The following TM9SF3 variants were observed in gnomAD, a reference collection of about 807,000 sequenced individuals.
The protein encoded by TM9SF3 is SM-11044-binding protein.
In TM9SF3, 14 loss-of-function variants were observed where a neutral mutation model predicts 78.6. That is an observed-to-expected ratio of 0.18 (90% CI 0.12 to 0.28). TM9SF3 has a LOEUF of 0.28. TM9SF3 is among the 10% of genes least tolerant of loss of function. The pLI is 1.00. For missense variants in TM9SF3, 496 were observed against 721.9 expected (o/e 0.69, Z 3.59); for synonymous variants, 231 against 241.7 (o/e 0.96, Z 0.41).
At chr10:96,552,202 A>G (rs1282486413) in intron 6 of TM9SF3, among the ~76,000 whole-genome samples, 1 of 152,168 alleles carries the variant, frequency 6.6e-6, no homozygotes, top group Admixed American at 6.5e-5. Context: ...CTATAATAAC[A>G]GCACTTTGGG....
At chr10:96,579,521 T>C (rs1848536294) in intron 1 of TM9SF3, among the ~76,000 whole-genome samples, 2 of 152,228 alleles carry the variant, frequency 1.3e-5, no homozygotes, top group Admixed American at 1.3e-4. Flanking sequence ...TCCCAGTCGA[T>C]GTTAAACCAC....
At chr10:96,543,217 G>A (rs1848054785) in intron 9 of TM9SF3, among the ~76,000 whole-genome samples, 1 of 152,108 alleles carries the variant, frequency 6.6e-6, no homozygotes, top group Non-Finnish European at 1.5e-5. Context: ...CTCATTTTAT[G>A]TGTTCTAGTT....
chr10:96,551,686 A>G (rs1848171990), intron 6 of TM9SF3, among the ~76,000 whole-genome samples: 1 of 152,194 alleles, frequency 6.6e-6, no homozygotes, highest in Non-Finnish European at 1.5e-5. Flanking sequence ...AAATGGTCAA[A>G]TTGGGAGAAC....
Position 96,578,429 on chromosome 10 carries a change from A to T in TM9SF3, c.103-1600T>A, listed in dbSNP as rs79248810. 6.6e-4 allele frequency among the ~76,000 whole-genome samples: 101 copies of T among 152,352 alleles called. 1 individual carries two copies. The East Asian group carries it at 0.012, about 17-fold the overall frequency. On this transcript the variant is annotated intron_variant, in intron 1 of 14. Coordinates refer to ENST00000371142, the MANE Select transcript of TM9SF3 (RefSeq NM_020123.4). The stretch of plus-strand genomic sequence containing the variant: ...AGGGCTATTGTAGCAACAATAAAGG[A>T]ATGATTAAATTCACTTTGGCAGAGA...
In TM9SF3 at chr10:96,586,527, T is replaced by TCGGGAGCGGAGCCCTGTCC. The variant is rs545155800; in HGVS notation, c.102+188_102+206dup. Among the ~76,000 whole-genome samples, 235 of 151,714 alleles carry TCGGGAGCGGAGCCCTGTCC rather than the reference T, an allele frequency of 1.5e-3. 4 individuals carry two copies. The East Asian group carries it at 0.027, about 18-fold the overall frequency. ...GACCGGGGGAAGGAGACCCTGTCACTCGGGAGCGGAGCCCTGTCCCGGGAG... is the reference window on the plus strand; with the variant it reads ...GACCGGGGGAAGGAGACCCTGTCACTCGGGAGCGGAGCCCTGTCCCGGGAGCGGAGCCCTGTCCCGGGAG... On this transcript the variant is annotated intron_variant, in intron 1 of 14. Coordinates refer to ENST00000371142, the MANE Select transcript of TM9SF3 (RefSeq NM_020123.4).
At chr10:96,560,631 G>T (rs1237249932) in intron 4 of TM9SF3, 2 of 644,628 alleles carry the variant, frequency 3.1e-6, no homozygotes, top group Non-Finnish European at 5.9e-6. Flanking sequence ...TGGTAGCAAG[G>T]TTCCACAGAA....
At chr10:96,528,983 G>A (rs1847867522) in intron 11 of TM9SF3, among the ~76,000 whole-genome samples, 1 of 152,058 alleles carries the variant, frequency 6.6e-6, no homozygotes, top group Admixed American at 6.6e-5. Context: ...GTTTGAAGGT[G>A]GACAAAACAG....
chr10:96,580,072 G>A (rs1037618450), intron 1 of TM9SF3, among the ~76,000 whole-genome samples: 3 of 152,284 alleles, frequency 2.0e-5, no homozygotes, highest in East Asian at 3.9e-4. Flanking sequence ...GGATCCCTAA[G>A]CACGATAATA....
intron 9 of TM9SF3, among the ~76,000 whole-genome samples, chr10:96,538,972 A>C (rs1259266971): frequency 1.3e-5 from 2 of 152,240 alleles, no homozygotes; most frequent in Non-Finnish European, 2.9e-5. Context: ...TTGAAAACTT[A>C]AACTACCATA....
At chr10:96,583,253 G>A (rs1291971477) in intron 1 of TM9SF3, among the ~76,000 whole-genome samples, 1 of 152,050 alleles carries the variant, frequency 6.6e-6, no homozygotes, top group East Asian at 1.9e-4. Flanking sequence ...TAATTTGTGC[G>A]ACCCAGTACA....
chr10:96,529,433 T>C (rs932647568), intron 11 of TM9SF3, among the ~76,000 whole-genome samples: 9 of 152,128 alleles, frequency 5.9e-5, no homozygotes, highest in African/African-American at 2.2e-4. Flanking sequence ...TGAGTCCCTT[T>C]TAAAAAGTTA....
intron 14 of TM9SF3, among the ~76,000 whole-genome samples, chr10:96,524,959 G>A (rs905260691): frequency 2.0e-5 from 3 of 151,900 alleles, no homozygotes; most frequent in African/African-American, 7.2e-5. Context: ...AATGTGCCAA[G>A]GTTTTCAGGC....
chr10:96,546,051 T>C (rs189829358), intron 8 of TM9SF3, among the ~76,000 whole-genome samples: 1 of 152,326 alleles, frequency 6.6e-6, no homozygotes, highest in African/African-American at 2.4e-5. Context: ...CTTCAAACCC[T>C]TGAAGTCTCT....
chr10:96,532,929 G>T, intron 10 of TM9SF3, 122 bp downstream of exon 10: 3 of 1,235,504 alleles, frequency 2.4e-6, no homozygotes, highest in Non-Finnish European at 2.2e-6. Flanking sequence ...AACTTCTTAG[G>T]CTCAAACTTA....
intron 2 of TM9SF3, among the ~76,000 whole-genome samples, chr10:96,571,675 T>C (rs540106494): frequency 3.2e-4 from 49 of 152,292 alleles, no homozygotes; most frequent in African/African-American, 1.1e-3. Flanking sequence ...TGCAGTACTC[T>C]CAACTTAACA....
At chr10:96,530,911 T>A (rs1396733709) in intron 10 of TM9SF3, among the ~76,000 whole-genome samples, 1 of 152,130 alleles carries the variant, frequency 6.6e-6, no homozygotes, top group Admixed American at 6.6e-5. Context: ...TCTACTAGAC[T>A]CCCATAACTT....
At chr10:96,570,984 C>A (rs1348074373) in intron 2 of TM9SF3, among the ~76,000 whole-genome samples, 1 of 152,190 alleles carries the variant, frequency 6.6e-6, no homozygotes, top group East Asian at 1.9e-4. Context: ...AGTGATCCAC[C>A]CGCCTCGGCT....
intron 14 of TM9SF3, 145 bp downstream of exon 14, chr10:96,527,068 T>A: frequency 1.7e-6 from 1 of 598,208 alleles, no homozygotes; most frequent in Non-Finnish European, 2.9e-6. Flanking sequence ...TGGGGAAGAG[T>A]CAAAAGGACT....
In TM9SF3 at chr10:96,547,801, T is replaced by C. The variant is rs576808162; in HGVS notation, c.1054+94A>G. ...CACCACTGCACTCCAGCCTGGGTGA[T>C]GGAGTGAGACTCTCTCAAAACAAAC... On this transcript the variant is annotated intron_variant, in intron 8 of 14. Coordinates refer to ENST00000371142, the MANE Select transcript of TM9SF3 (RefSeq NM_020123.4). 1.6e-5 allele frequency: 17 copies of C among 1,031,070 alleles called. No individual in the cohort carries two copies. The Admixed American group carries it at 2.5e-4, about 15-fold the overall frequency. 63.9% of individuals were successfully genotyped at this position (1,031,070 alleles called of 1,614,324 possible). A position where few individuals can be genotyped will look rare whatever the true frequency, so the allele number is the denominator to read the frequency against.
Sources: allele counts gnomAD v4.1 joint callset (sites outside exome capture counted in the v4.1 genomes callset), GRCh38; gene constraint gnomAD v4.1.1; transcripts MANE v1.5; gene names NCBI Gene and HGNC (gene_info 2026-07-23, HGNC 2026-07-21).